The following SCN11A variants were observed in gnomAD, a reference collection of about 807,000 sequenced individuals.
SCN11A encodes the protein sodium channel protein type 11 subunit alpha.
SCN11A carries 122 observed loss-of-function variants against 162.2 expected under a neutral mutation model. The ratio of observed to expected loss-of-function variants is 0.75; its 90% CI spans 0.65 to 0.87. The LOEUF is 0.87. SCN11A is among the 40% of genes least tolerant of loss of function. SCN11A has a pLI of 0.00. For synonymous variants in SCN11A, 758 were observed against 751.5 expected (o/e 1.01, Z -0.14); for missense variants, 2,015 against 2,181.6 (o/e 0.92, Z 1.52).
chr3:38,861,403 A>C (rs1191530628), intron 28 of SCN11A, among the ~76,000 whole-genome samples: 1 of 152,184 alleles, frequency 6.6e-6, no homozygotes, highest in African/African-American at 2.4e-5. Context: ...CTTAAAATTC[A>C]TATGGAACCA....
chr3:38,966,410 G>T (rs1385338923), intron 2 of SCN11A, among the ~76,000 whole-genome samples: 1 of 152,094 alleles, frequency 6.6e-6, no homozygotes, highest in African/African-American at 2.4e-5. Context: ...TGAGGTAGGA[G>T]TATTTTACAA....
intron 2 of SCN11A, among the ~76,000 whole-genome samples, chr3:38,992,282 A>G (rs1213967674): frequency 1.3e-5 from 2 of 152,252 alleles, no homozygotes; most frequent in Non-Finnish European, 2.9e-5. Context: ...GTTACAGAGT[A>G]AAGACCTGGA....
At chr3:38,896,232 C>G (rs781471753) in intron 18 of SCN11A, among the ~76,000 whole-genome samples, 1 of 152,186 alleles carries the variant, frequency 6.6e-6, no homozygotes, top group Non-Finnish European at 1.5e-5. Context: ...TTGGTCCAAA[C>G]CCCTCTGGCT....
At chr3:38,923,699 T>C (rs958360219) in intron 9 of SCN11A, among the ~76,000 whole-genome samples, 2 of 152,276 alleles carry the variant, frequency 1.3e-5, no homozygotes, top group East Asian at 3.9e-4. Flanking sequence ...GCTTGGATTA[T>C]GGTCTCTTGT....
chr3:38,968,811 T>C lies in SCN11A; in HGVS notation c.-279-8388A>G, dbSNP rs567005814. Among the ~76,000 whole-genome samples the C allele has an allele frequency of 2.6e-5, 4 of 152,338 alleles. No homozygotes were observed. The South Asian group carries it at 8.3e-4, about 32-fold the overall frequency. ...AGCCTCAGTTTCTTCATCTAGAAAATGGCACTGATAACATCTACTACATAA... is the reference window on the plus strand; with the variant it reads ...AGCCTCAGTTTCTTCATCTAGAAAACGGCACTGATAACATCTACTACATAA... On this transcript the variant is annotated intron_variant, in intron 2 of 29. Transcript: ENST00000302328.
In SCN11A at chr3:38,850,699, A is replaced by C. The variant is rs772646322; in HGVS notation, c.4109T>G (p.Ile1370Ser). 5.6e-5 allele frequency: 91 copies of C among 1,613,352 alleles called. No individual in the cohort carries two copies. The highest frequency in any genetic ancestry group is 8.3e-5 in the Admixed American group (5 of 59,970). ...TAGGATAATGAGACTTATGATGATG[A>C]TGTCAAAGATCTGGCTTGTGACTAT... ...FDIVTSQIFD[I>S]IIISLIILNM... Residue 1370 changes from isoleucine to serine, a missense_variant, in exon 29 of 30, where the codon ATC becomes AGC. Physicochemically the swap from Ile to Ser is moderately radical, Grantham distance 142. Transcript: ENST00000302328.
At chr3:38,884,404 G>A (rs1201651039) in intron 21 of SCN11A, among the ~76,000 whole-genome samples, 1 of 152,224 alleles carries the variant, frequency 6.6e-6, no homozygotes, top group Non-Finnish European at 1.5e-5. Flanking sequence ...AACCTGGAAT[G>A]TGAGTTTGAA....
intron 7 of SCN11A, among the ~76,000 whole-genome samples, chr3:38,942,526 T>C (rs1398799778): frequency 6.6e-6 from 1 of 152,076 alleles, no homozygotes; most frequent in Non-Finnish European, 1.5e-5. Flanking sequence ...AATTAGATAA[T>C]AATCAGACAA....
chr3:38,865,552 G>A (rs1273009636), intron 27 of SCN11A, among the ~76,000 whole-genome samples: 2 of 151,970 alleles, frequency 1.3e-5, no homozygotes, highest in Non-Finnish European at 2.9e-5. Context: ...AAAACCAAAG[G>A]AGAATATTTA....
At chr3:38,948,751 C>T (rs1363295482) in intron 5 of SCN11A, among the ~76,000 whole-genome samples, 2 of 152,068 alleles carry the variant, frequency 1.3e-5, no homozygotes, top group African/African-American at 2.4e-5. Flanking sequence ...CCTAGAATTA[C>T]CACCCAGGCT....
At chr3:38,886,023 A>T in intron 20 of SCN11A, 102 bp downstream of exon 20, 1 of 740,128 alleles carries the variant, frequency 1.4e-6, no homozygotes. Flanking sequence ...CGATTCTTGC[A>T]ATTTTCTCTG....
chr3:38,987,771 G>A lies in SCN11A; in HGVS notation c.-279-27348C>T, dbSNP rs79997572. ...GGGGCTGCTCTCTCAGGGAGCCAAG[G>A]TGCCCTCTTGCTCCAGGCCCAGCCT... On this transcript the variant is annotated intron_variant, in intron 2 of 29. Coordinates refer to ENST00000302328, the MANE Select transcript of SCN11A (RefSeq NM_001349253.2). 8.5e-3 allele frequency among the ~76,000 whole-genome samples: 1,288 copies of A among 152,254 alleles called. 82 individuals are homozygous for A. In the East Asian group the frequency reaches 0.15, roughly 18 times the overall value.
intron 7 of SCN11A, among the ~76,000 whole-genome samples, chr3:38,930,211 A>G (rs1575305733): frequency 6.6e-6 from 1 of 152,196 alleles, no homozygotes; most frequent in Non-Finnish European, 1.5e-5. Context: ...ATCCAGTCAT[A>G]ATAGCCCTGA....
Position 38,866,795 on chromosome 3 carries a change from G to A in SCN11A, c.3951+526C>T, listed in dbSNP as rs981565724. The stretch of plus-strand genomic sequence containing the variant: ...ATTTTAGAATCAGCAAAATAAACAT[G>A]TGTTTATTACAATGCATAGGGAAGA... On this transcript the variant is annotated intron_variant, in intron 27 of 29. Transcript: ENST00000302328. Among the ~76,000 whole-genome samples, 3 of 152,238 alleles carry A rather than the reference G, an allele frequency of 2.0e-5. 1 individual carries two copies. Among genetic ancestry groups the A allele is most frequent in the African/African-American group, 2.4e-5 (1 of 41,548 alleles).
intron 1 of SCN11A, among the ~76,000 whole-genome samples, chr3:39,045,322 A>G (rs1204996069): frequency 6.6e-6 from 1 of 152,170 alleles, no homozygotes; most frequent in Non-Finnish European, 1.5e-5. Flanking sequence ...TGCCAAAACC[A>G]GGCAAAAACA....
chr3:38,915,259 T>C (rs2065943676), intron 11 of SCN11A, among the ~76,000 whole-genome samples: 1 of 152,158 alleles, frequency 6.6e-6, no homozygotes. Context: ...TTTAGCAGTT[T>C]TTAATGGTTA....
intron 2 of SCN11A, among the ~76,000 whole-genome samples, chr3:39,008,754 G>T (rs773497340): frequency 6.6e-6 from 1 of 151,968 alleles, no homozygotes; most frequent in Admixed American, 6.6e-5. Flanking sequence ...GTAGTGGCAC[G>T]TGCCTGTAGT....
chr3:38,956,322 T>C (rs983700757), intron 3 of SCN11A, among the ~76,000 whole-genome samples: 2 of 152,052 alleles, frequency 1.3e-5, no homozygotes, highest in Non-Finnish European at 2.9e-5. Context: ...GGGAAAAATA[T>C]TTAAACTATA....
intron 7 of SCN11A, among the ~76,000 whole-genome samples, chr3:38,942,535 A>G (rs527776175): frequency 5.9e-5 from 9 of 152,294 alleles, no homozygotes; most frequent in African/African-American, 2.2e-4. Context: ...ATAATCAGAC[A>G]ACCAGAAAAC....
Sources: allele counts gnomAD v4.1 joint callset (sites outside exome capture counted in the v4.1 genomes callset), GRCh38; gene constraint gnomAD v4.1.1; transcripts MANE v1.5; gene names NCBI Gene and HGNC (gene_info 2026-07-23, HGNC 2026-07-21).